The following TOR3A variants were observed in gnomAD, a reference collection of about 807,000 sequenced individuals.
TOR3A encodes the protein torsin family 3 member A.
In TOR3A, 44 loss-of-function variants were observed where a neutral mutation model predicts 42.1. That is an observed-to-expected ratio of 1.04 (90% CI 0.82 to 1.34). TOR3A has a LOEUF of 1.34. TOR3A is among the 40% of genes most tolerant of loss of function. The pLI is 0.00. For synonymous variants in TOR3A, 227 were observed against 213.2 expected (o/e 1.06, Z -0.57); for missense variants, 521 against 507.6 (o/e 1.03, Z -0.25).
intron 2 of TOR3A, among the ~76,000 whole-genome samples, chr1:179,083,752 C>T (rs890792368): frequency 5.9e-5 from 9 of 152,026 alleles, no homozygotes; most frequent in African/African-American, 2.2e-4. Context: ...ATTTGCATAT[C>T]GCAGTTGATT....
chr1:179,085,884 C>T lies in TOR3A; in HGVS notation c.630C>T (p.Asp210=), dbSNP rs755594993. Residue 210 remains aspartate, a synonymous_variant, in exon 3 of 6, where the codon GAC becomes GAT. Coordinates refer to ENST00000367627, the MANE Select transcript of TOR3A (RefSeq NM_022371.4). ...TFHFPHPKYV[D]LYKEQLMSQI... ...ACTTTCCTCACCCCAAATATGTGGA[C>T]CTGTACAAGGTGAGGCCGACCAGGG... 13 of 1,613,902 alleles carry T rather than the reference C, an allele frequency of 8.1e-6. No individual in the cohort carries two copies. The South Asian group carries it at 9.9e-5, about 12-fold the overall frequency.
chr1:179,082,752 G>A (rs1652326055), intron 1 of TOR3A, 188 bp from the exon 2 acceptor site: 6 of 704,878 alleles, frequency 8.5e-6, no homozygotes, highest in Admixed American at 4.0e-5. Context: ...CATGCCTGGT[G>A]ACTGCCGTCT....
At chr1:179,088,884 C>G (rs948319120) in intron 4 of TOR3A, among the ~76,000 whole-genome samples, 1 of 152,224 alleles carries the variant, frequency 6.6e-6, no homozygotes, top group Non-Finnish European at 1.5e-5. Flanking sequence ...GGCTTCACAA[C>G]AGCTCGAGCC....
intron 4 of TOR3A, among the ~76,000 whole-genome samples, chr1:179,089,142 G>A (rs560269658): frequency 7.8e-4 from 119 of 152,218 alleles, no homozygotes; most frequent in South Asian, 2.3e-3. Flanking sequence ...GGGTCCAGGC[G>A]CAGTGGCCTG....
In TOR3A at chr1:179,082,397, C is replaced by G. The variant is rs749366045; in HGVS notation, c.259+10C>G. On this transcript the variant is annotated intron_variant, in intron 1 of 5. Transcript: ENST00000367627. ...GCCACGGGGCCCCTGGGTAAGACCC[C>G]GTCCCCACGGTCCGCCGTTCGCTGC... is the stretch of plus-strand genomic sequence containing the variant. 2 of 1,594,026 alleles carry G rather than the reference C, an allele frequency of 1.3e-6. No individual in the cohort carries two copies. Among genetic ancestry groups the G allele is most frequent in the Non-Finnish European group, 1.7e-6 (2 of 1,173,106 alleles).
Position 179,085,796 on chromosome 1 carries a change from T to C in TOR3A, c.542T>C (p.Val181Ala). 2 of 1,614,126 alleles carry C rather than the reference T, an allele frequency of 1.2e-6. No homozygotes were observed. The highest frequency in any genetic ancestry group is 2.2e-5 in the East Asian group (1 of 44,888). Residue 181 changes from valine (V) to alanine (A), a missense_variant, in exon 3 of 6, where the codon GTG (valine) becomes GCG (alanine). Coordinates refer to ENST00000367627, the MANE Select transcript of TOR3A (RefSeq NM_022371.4). ...TGKNFVARML[V>A]ENLYRDGLMS... ...AAGAACTTCGTGGCACGGATGCTGGTGGAGAACCTGTATCGGGACGGGCTG... is the reference window on the plus strand; with the variant it reads ...AAGAACTTCGTGGCACGGATGCTGGCGGAGAACCTGTATCGGGACGGGCTG...
intron 4 of TOR3A, among the ~76,000 whole-genome samples, chr1:179,089,177 T>C (rs968038280): frequency 4.6e-5 from 7 of 151,970 alleles, no homozygotes; most frequent in Non-Finnish European, 1.0e-4. Context: ...AAAAATTAGC[T>C]GGGTGTGGTG....
intron 4 of TOR3A, among the ~76,000 whole-genome samples, chr1:179,092,519 GT>G (rs1287093853): frequency 6.6e-6 from 1 of 152,162 alleles, no homozygotes; most frequent in Non-Finnish European, 1.5e-5. Context: ...GAGCCTAGGA[GT>G]TTGAGACCAG....
chr1:179,087,887 A>AGCT, intron 3 of TOR3A, 24 bp from the exon 4 acceptor site: 1 of 1,519,644 alleles, frequency 6.6e-7, no homozygotes, highest in Non-Finnish European at 8.8e-7. Flanking sequence ...CCACTTCCCC[A>AGCT]GCTGCTCCCT....
intron 4 of TOR3A, among the ~76,000 whole-genome samples, chr1:179,089,740 C>T (rs12121752): frequency 0.05 from 7,597 of 152,208 alleles, 265 homozygotes; most frequent in South Asian, 0.11. Context: ...TCTGAACCAC[C>T]GATGCGGAAG....
Position 179,082,101 on chromosome 1 carries a change from C to A in TOR3A, c.-28C>A, listed in dbSNP as rs771859796. ...AAGGGAGCCTGGCTAGGCCGGCAGCCGGATGGTCCCGCAGCTCGGGGCCGG... is the reference window on the plus strand; with the variant it reads ...AAGGGAGCCTGGCTAGGCCGGCAGCAGGATGGTCCCGCAGCTCGGGGCCGG... On this transcript the variant is annotated 5_prime_UTR_variant, in exon 1 of 6. Coordinates refer to ENST00000367627, the MANE Select transcript of TOR3A (RefSeq NM_022371.4). The A allele has an allele frequency of 1.7e-5, 25 of 1,441,406 alleles. No homozygotes were observed. The Middle Eastern group carries it at 1.5e-3, about 87-fold the overall frequency. The allele number at this position is 1,441,406 out of a possible 1,614,324, so 89.3% of individuals were successfully genotyped here. A position where few individuals can be genotyped will look rare whatever the true frequency, so the allele number is the denominator to read the frequency against.
Position 179,087,983 on chromosome 1 carries a change from G to A in TOR3A, c.712G>A (p.Glu238Lys), listed in dbSNP as rs781625506. 2.5e-6 allele frequency: 4 copies of A among 1,613,386 alleles called. No individual in the cohort carries two copies. The highest frequency in any genetic ancestry group is 3.4e-6 in the Non-Finnish European group (4 of 1,179,730). Residue 238 changes from glutamate (E) to lysine (K), a missense_variant, in exon 4 of 6, where the codon GAG becomes AAG. Physicochemically the swap from Glu to Lys is moderately conservative, Grantham distance 56. Coordinates refer to ENST00000367627, the MANE Select transcript of TOR3A (RefSeq NM_022371.4). ...GACCCTGTTCATCTTCGATGAAGCG[G>A]AGAAGCTGCACCCAGGGCTGCTGGA... ...HQTLFIFDEA[E>K]KLHPGLLEVL...
intron 4 of TOR3A, among the ~76,000 whole-genome samples, chr1:179,090,080 A>G (rs1652537678): frequency 9.9e-6 from 1 of 101,400 alleles, no homozygotes; most frequent in African/African-American, 3.9e-5. Flanking sequence ...GCCTGGGTGG[A>G]CTGTCCGAGG....
In TOR3A at chr1:179,088,070, A is replaced by ACT. The variant is rs759734073; in HGVS notation, c.800_801dup (p.Ile268LeufsTer13). 6.3e-7 allele frequency: 1 copy of ACT among 1,596,368 alleles called. No homozygotes were observed. Among genetic ancestry groups the ACT allele is most frequent in the South Asian group, 1.1e-5 (1 of 88,876 alleles). On this transcript the variant is annotated frameshift_variant, in exon 4 of 6. Transcript: ENST00000367627. LOFTEE classifies it high-confidence loss of function. Reference sequence around the variant, plus strand: ...GGGCCACAGGGCTGAGTCTCCATGGACTATCTTTCTGTTTCTCAGGTGGGT... The same window carrying ACT: ...GGGCCACAGGGCTGAGTCTCCATGGACTCTATCTTTCTGTTTCTCAGGTGGGT...
chr1:179,091,319 GA>G (rs1652575554), intron 4 of TOR3A, among the ~76,000 whole-genome samples: 1 of 152,190 alleles, frequency 6.6e-6, no homozygotes, highest in African/African-American at 2.4e-5. Flanking sequence ...GGAGGCTGTG[GA>G]AGGGAATTGA....
chr1:179,090,911 T>C (rs1004667707), intron 4 of TOR3A, among the ~76,000 whole-genome samples: 18 of 152,170 alleles, frequency 1.2e-4, no homozygotes, highest in Non-Finnish European at 2.5e-4. Flanking sequence ...TAGAAAGGAC[T>C]TTGAAAAATT....
intron 4 of TOR3A, among the ~76,000 whole-genome samples, chr1:179,090,122 GC>G (rs1224875280): frequency 8.5e-6 from 1 of 117,598 alleles, no homozygotes; most frequent in Non-Finnish European, 1.8e-5. Context: ...GGGGGGGGGG[GC>G]CTGCGGGAAA....
At position 179,082,993 on chromosome 1, in the gene TOR3A, T is replaced by C. The variant is rs1652336478; in HGVS notation, c.313T>C (p.Tyr105His). 7.5e-6 allele frequency: 12 copies of C among 1,589,696 alleles called. No homozygotes were observed. In the East Asian group the frequency reaches 2.0e-4, roughly 27 times the overall value. ...QRYLDLLTTW[Y>H]CSFKDCCPRG... ...GTACCTGGACCTCCTGACCACGTGG[T>C]ACTGCAGCTTCAAAGACTGCTGCCC... is the stretch of plus-strand genomic sequence containing the variant. The change falls in exon 2 of 6, where the codon TAC (tyrosine) becomes CAC (histidine). Residue 105 changes from tyrosine to histidine, a missense_variant. Coordinates refer to ENST00000367627, the MANE Select transcript of TOR3A (RefSeq NM_022371.4).
intron 3 of TOR3A, among the ~76,000 whole-genome samples, chr1:179,086,452 G>C (rs928128146): frequency 6.6e-6 from 1 of 152,156 alleles, no homozygotes; most frequent in African/African-American, 2.4e-5. Flanking sequence ...GGATCACGAG[G>C]TCAGGAGATC....
Sources: gnomAD v4.1 joint callset for allele counts (sites outside exome capture counted in the v4.1 genomes callset) on GRCh38, gnomAD v4.1.1 for gene constraint, MANE v1.5 for transcripts, NCBI Gene and HGNC (gene_info 2026-07-23, HGNC 2026-07-21) for gene names.